Variants in ZNF804A observed in about 807,000 individuals in gnomAD.
ZNF804A encodes the protein zinc finger protein 804A.
Under a neutral mutation model 16.5 loss-of-function variants are expected in ZNF804A, and 2 were observed. The observed-to-expected ratio is 0.12, with a 90% CI of 0.05 to 0.38. ZNF804A has a LOEUF of 0.38. ZNF804A is among the 10% of genes least tolerant of loss of function. ZNF804A has a pLI of 0.99. For synonymous variants in ZNF804A, 534 were observed against 489.6 expected (o/e 1.09, Z -1.20); for missense variants, 1,473 against 1,390.7 (o/e 1.06, Z -0.94).
chr2:184,778,182 C>A (rs1190322161), intron 1 of ZNF804A, among the ~76,000 whole-genome samples: 2 of 151,466 alleles, frequency 1.3e-5, no homozygotes, highest in Middle Eastern at 3.2e-3. Flanking sequence ...CATTAAGAAG[C>A]TTTTGACATG....
intron 2 of ZNF804A, among the ~76,000 whole-genome samples, chr2:184,890,033 A>C (rs1354862307): frequency 6.6e-6 from 1 of 152,114 alleles, no homozygotes; most frequent in Non-Finnish European, 1.5e-5. Context: ...AGCAGATATT[A>C]ATGTGGAGAG....
chr2:184,905,427 G>A (rs1454354207), intron 2 of ZNF804A, among the ~76,000 whole-genome samples: 2 of 151,840 alleles, frequency 1.3e-5, no homozygotes, highest in Non-Finnish European at 2.9e-5. Flanking sequence ...GATCTGGCAT[G>A]TTTAAAAATA....
intron 2 of ZNF804A, 107 bp from the exon 3 acceptor site, chr2:184,933,496 G>C (rs947669474): frequency 1.4e-5 from 15 of 1,064,750 alleles, no homozygotes. Flanking sequence ...TTTACCTCTC[G>C]ACAAGGTCAA....
intron 1 of ZNF804A, among the ~76,000 whole-genome samples, chr2:184,627,637 A>G (rs928394212): frequency 3.3e-5 from 5 of 152,220 alleles, no homozygotes; most frequent in African/African-American, 1.2e-4. Context: ...TATAAATCTT[A>G]CATGTGTATG....
rs553903818 is a variant in ZNF804A, at chr2:184,664,271, G to A, written c.111+65201G>A. ...TAAATAAGCACTGGAACAAAATTAT[G>A]TGTGTCAGAAATTTTTATGGAACTA... is the stretch of plus-strand genomic sequence containing the variant. On this transcript the variant is annotated intron_variant, in intron 1 of 3. Coordinates refer to ENST00000302277, the MANE Select transcript of ZNF804A (RefSeq NM_194250.2). Among the ~76,000 whole-genome samples, 4 of 152,230 alleles carry A rather than the reference G, an allele frequency of 2.6e-5. No homozygotes were observed. In the East Asian group the frequency reaches 5.8e-4, roughly 22 times the overall value.
intron 1 of ZNF804A, among the ~76,000 whole-genome samples, chr2:184,707,878 T>C (rs1693057803): frequency 6.6e-6 from 1 of 152,158 alleles, no homozygotes; most frequent in South Asian, 2.1e-4. Flanking sequence ...CTTTCCACAG[T>C]GGCTGAACTA....
intron 1 of ZNF804A, among the ~76,000 whole-genome samples, chr2:184,660,814 G>A (rs1574151259): frequency 6.6e-6 from 1 of 152,358 alleles, no homozygotes; most frequent in African/African-American, 2.4e-5. Context: ...AAGTCACAAA[G>A]CATGGTGCGT....
At position 184,771,464 on chromosome 2, in the gene ZNF804A, G is replaced by A. The variant is rs541374415; in HGVS notation, c.112-94905G>A. Among the ~76,000 whole-genome samples the A allele has an allele frequency of 3.0e-4, 46 of 151,914 alleles. No homozygotes were observed. In the South Asian group the frequency reaches 8.5e-3, roughly 28 times the overall value. On this transcript the variant is annotated intron_variant, in intron 1 of 3. Transcript: ENST00000302277. ...TCTATTGCAGTTAAGATGTCTCCTG[G>A]GGCTAGTTGGGGTGGCTCATGCCTG... is the stretch of plus-strand genomic sequence containing the variant.
At chr2:184,664,692 A>G (rs1186449566) in intron 1 of ZNF804A, among the ~76,000 whole-genome samples, 2 of 152,142 alleles carry the variant, frequency 1.3e-5, no homozygotes, top group Non-Finnish European at 2.9e-5. Context: ...TGATACTGTC[A>G]CTAGTGTCAG....
chr2:184,680,080 C>T (rs1299309585), intron 1 of ZNF804A, among the ~76,000 whole-genome samples: 1 of 152,242 alleles, frequency 6.6e-6, no homozygotes, highest in Non-Finnish European at 1.5e-5. Flanking sequence ...TGGGAGATGA[C>T]CTGAAGACCT....
chr2:184,867,638 G>A (rs529145114), intron 2 of ZNF804A, among the ~76,000 whole-genome samples: 55 of 152,140 alleles, frequency 3.6e-4, no homozygotes, highest in African/African-American at 1.3e-3. Flanking sequence ...AGATCTGTTG[G>A]CCCACTGGTT....
intron 1 of ZNF804A, among the ~76,000 whole-genome samples, chr2:184,751,532 A>G (rs1392792791): frequency 6.6e-6 from 1 of 151,454 alleles, no homozygotes; most frequent in Admixed American, 6.6e-5. Flanking sequence ...ACATCAAATT[A>G]ACAAGATTCT....
intron 1 of ZNF804A, among the ~76,000 whole-genome samples, chr2:184,677,328 A>G (rs1692455506): frequency 6.6e-6 from 1 of 151,952 alleles, no homozygotes; most frequent in Non-Finnish European, 1.5e-5. Flanking sequence ...TAGAGGATAA[A>G]GAGAGATCAT....
intron 1 of ZNF804A, among the ~76,000 whole-genome samples, chr2:184,838,872 A>C (rs1254806490): frequency 6.6e-6 from 1 of 152,158 alleles, no homozygotes; most frequent in African/African-American, 2.4e-5. Flanking sequence ...CTACAAATTG[A>C]TTATATAGAA....
At chr2:184,755,203 G>C (rs1298179643) in intron 1 of ZNF804A, among the ~76,000 whole-genome samples, 1 of 151,798 alleles carries the variant, frequency 6.6e-6, no homozygotes, top group African/African-American at 2.4e-5. Flanking sequence ...CCATTTCCTG[G>C]GGAATATTAA....
chr2:184,614,831 A>G (rs955645928), intron 1 of ZNF804A, among the ~76,000 whole-genome samples: 3 of 152,190 alleles, frequency 2.0e-5, no homozygotes, highest in African/African-American at 4.8e-5. Context: ...CAAAACCACA[A>G]TGAGATACCA....
intron 1 of ZNF804A, among the ~76,000 whole-genome samples, chr2:184,797,817 G>T (rs531285976): frequency 6.0e-4 from 91 of 152,094 alleles, no homozygotes; most frequent in African/African-American, 2.1e-3. Context: ...TGTGATTTAT[G>T]CTTTAAAGAG....
intron 1 of ZNF804A, among the ~76,000 whole-genome samples, chr2:184,765,611 C>G (rs993521258): frequency 1.4e-5 from 2 of 146,388 alleles, no homozygotes; most frequent in Admixed American, 6.8e-5. Flanking sequence ...ATGCACCCCC[C>G]CCCCTTAGAG....
At chr2:184,886,553 G>A (rs1684894440) in intron 2 of ZNF804A, among the ~76,000 whole-genome samples, 2 of 152,350 alleles carry the variant, frequency 1.3e-5, no homozygotes, top group Middle Eastern at 3.4e-3. Flanking sequence ...GGTTCTCCAT[G>A]AGGGCCCTGC....
Sources: gnomAD v4.1 joint callset for allele counts (sites outside exome capture counted in the v4.1 genomes callset) on GRCh38, gnomAD v4.1.1 for gene constraint, MANE v1.5 for transcripts, NCBI Gene and HGNC (gene_info 2026-07-23, HGNC 2026-07-21) for gene names.